The following PRKCB variants were observed in gnomAD, a reference collection of about 807,000 sequenced individuals.
PRKCB encodes the protein protein kinase C beta, also known as protein kinase C beta type.
A neutral mutation model predicts 81.5 loss-of-function variants in PRKCB; 13 were observed. The ratio of observed to expected loss-of-function variants is 0.16; its 90% CI spans 0.10 to 0.25. The LOEUF (loss-of-function observed/expected upper bound fraction) is 0.25, where lower values mean the gene tolerates loss of function less well. Among genes scored for constraint, PRKCB ranks in the 10% least tolerant of loss-of-function variants. The probability of loss-of-function intolerance (pLI) is 1.00; values close to 1 mark genes in which losing one functional copy is unlikely to be tolerated. For missense variants in PRKCB, 509 were observed against 875.7 expected (o/e 0.58, Z 5.29); for synonymous variants, 335 against 321.4 (o/e 1.04, Z -0.45).
chr16:24,070,877 T>G (rs1471080477), intron 5 of PRKCB, among the ~76,000 whole-genome samples: 1 of 152,138 alleles, frequency 6.6e-6, no homozygotes, highest in Non-Finnish European at 1.5e-5. Context: ...AGTACATATC[T>G]CTCTAAAGTA....
chr16:24,203,428 A>C (rs1175456167), intron 16 of PRKCB, among the ~76,000 whole-genome samples: 1 of 152,126 alleles, frequency 6.6e-6, no homozygotes, highest in Non-Finnish European at 1.5e-5. Context: ...CTTACTTTTT[A>C]AATAAATTCA....
In PRKCB at chr16:24,023,514, G is replaced by A. The variant is rs550480049; in HGVS notation, c.289-8622G>A. ...CTCCTGAATAGCTGGGACTACAGGCGCCCGCCACCACGCCCGGCTAATTTT... is the reference window on the plus strand; with the variant it reads ...CTCCTGAATAGCTGGGACTACAGGCACCCGCCACCACGCCCGGCTAATTTT... On this transcript the variant is annotated intron_variant, in intron 3 of 16. Transcript: ENST00000643927. Among the ~76,000 whole-genome samples the A allele has an allele frequency of 3.5e-3, 540 of 152,174 alleles. 8 individuals carry two copies. Among genetic ancestry groups the A allele is most frequent in the Middle Eastern group, 0.031 (9 of 294 alleles).
rs1198019106 is a variant in PRKCB at position 23,902,799 on chromosome 16, T to TCC, written c.205+65393_205+65394insCC. Among the ~76,000 whole-genome samples the TCC allele has an allele frequency of 7.8e-5, 2 of 25,748 alleles. 1 individual carries two copies. Among genetic ancestry groups the TCC allele is most frequent in the African/African-American group, 2.6e-4 (2 of 7,662 alleles). The allele number at this position is 25,748 out of a possible 152,430, so 16.9% of individuals were successfully genotyped here. ...CTTCCTTCCTCCCTCCCTCCCTCCC[T>TCC]TCCTTCCTTCCTTCCTTTTTTTGAG... On this transcript the variant is annotated intron_variant, in intron 2 of 16. Coordinates refer to ENST00000643927, the MANE Select transcript of PRKCB (RefSeq NM_002738.7).
chr16:23,912,440 T>C (rs1473410573), intron 2 of PRKCB, among the ~76,000 whole-genome samples: 1 of 151,894 alleles, frequency 6.6e-6, no homozygotes, highest in African/African-American at 2.4e-5. Context: ...CTTGCCCTGC[T>C]TGCTGTTACT....
intron 13 of PRKCB, among the ~76,000 whole-genome samples, 198 bp from the exon 14 acceptor site, chr16:24,184,913 C>T (rs974324864): frequency 2.6e-5 from 4 of 152,184 alleles, no homozygotes; most frequent in Non-Finnish European, 2.9e-5. Flanking sequence ...CTTAGTGCTT[C>T]GAAAAGGCAA....
At chr16:24,110,109 TGG>T in intron 7 of PRKCB, among the ~76,000 whole-genome samples, 6 of 89,094 alleles carry the variant, frequency 6.7e-5, no homozygotes, top group African/African-American at 3.2e-4. Flanking sequence ...AGGGAGACCG[TGG>T]GGAGAGGGAG....
intron 13 of PRKCB, among the ~76,000 whole-genome samples, chr16:24,183,405 G>T (rs929137746): frequency 5.9e-5 from 9 of 152,052 alleles, no homozygotes; most frequent in African/African-American, 1.9e-4. Flanking sequence ...TATTAACTAT[G>T]GTTACTGTGT....
intron 2 of PRKCB, among the ~76,000 whole-genome samples, chr16:23,847,594 G>A (rs12447916): frequency 0.27 from 31,738 of 116,316 alleles, 3,456 homozygotes; most frequent in South Asian, 0.42. Flanking sequence ...CTATCCAACC[G>A]TTTTTCCATT....
chr16:23,928,604 G>A (rs967599516), intron 2 of PRKCB, among the ~76,000 whole-genome samples: 1 of 152,074 alleles, frequency 6.6e-6, no homozygotes, highest in Non-Finnish European at 1.5e-5. Context: ...CTGGGGTAAG[G>A]TAGAAAGAGG....
At chr16:23,910,964 T>C (rs534435457) in intron 2 of PRKCB, among the ~76,000 whole-genome samples, 8 of 152,162 alleles carry the variant, frequency 5.3e-5, no homozygotes, top group African/African-American at 1.4e-4. Context: ...AATAATGTTT[T>C]CAAGGCTCAT....
chr16:23,941,136 G>A (rs1304731934), intron 2 of PRKCB, among the ~76,000 whole-genome samples: 1 of 152,174 alleles, frequency 6.6e-6, no homozygotes, highest in Non-Finnish European at 1.5e-5. Context: ...GGGCATCTGA[G>A]CAACTACTCA....
At chr16:23,879,133 G>A (rs12926076) in intron 2 of PRKCB, among the ~76,000 whole-genome samples, 1 of 151,776 alleles carries the variant, frequency 6.6e-6, no homozygotes, top group Non-Finnish European at 1.5e-5. Context: ...AGCTGAGAGC[G>A]TGTCACTGCA....
chr16:23,913,223 T>C (rs1567311824), intron 2 of PRKCB, among the ~76,000 whole-genome samples: 1 of 151,806 alleles, frequency 6.6e-6, no homozygotes, highest in Non-Finnish European at 1.5e-5. Context: ...GAACCATGAA[T>C]ATGGACAAGG....
intron 2 of PRKCB, among the ~76,000 whole-genome samples, chr16:23,891,599 G>A (rs533917325): frequency 6.6e-6 from 1 of 152,110 alleles, no homozygotes; most frequent in Non-Finnish European, 1.5e-5. Context: ...AAGCATAAGG[G>A]TTTGTCAGGA....
chr16:24,092,889 C>T lies in PRKCB; in HGVS notation c.628C>T (p.Gln210Ter). The T allele has an allele frequency of 6.2e-7, 1 of 1,614,110 alleles. No homozygotes were observed. Among genetic ancestry groups the T allele is most frequent in the Non-Finnish European group, 8.5e-7 (1 of 1,180,036 alleles). The change falls in exon 6 of 17, where the codon CAG (glutamine) becomes TAG (stop). Residue 210 changes from glutamine (Q) to a stop codon, truncating the protein, a stop_gained. Coordinates refer to ENST00000643927, the MANE Select transcript of PRKCB (RefSeq NM_002738.7). LOFTEE classifies it high-confidence loss of function. Reference protein sequence around the residue: ...LIPDPKSESKQKTKTIKCSLN... With the variant: ...LIPDPKSESK ...TCCCGATCCCAAAAGTGAGAGCAAA[C>T]AGAAGACCAAAACCATCAAATGCTC...
chr16:23,837,244 G>C, intron 1 of PRKCB, 131 bp from the exon 2 acceptor site: 2 of 1,137,910 alleles, frequency 1.8e-6, no homozygotes, highest in Non-Finnish European at 2.7e-6. Context: ...AGACTCTTGG[G>C]CACCCGCCTG....
chr16:24,126,237 A>G (rs892682534), intron 9 of PRKCB, among the ~76,000 whole-genome samples: 6 of 115,974 alleles, frequency 5.2e-5, no homozygotes, highest in Non-Finnish European at 1.1e-4. Context: ...TCTAAGGATG[A>G]AAAAAAAATA....
chr16:24,164,644 G>A (rs1967315214), intron 10 of PRKCB, among the ~76,000 whole-genome samples: 1 of 152,196 alleles, frequency 6.6e-6, no homozygotes, highest in African/African-American at 2.4e-5. Context: ...GCTCAGGAGA[G>A]AGGGAGAGGA....
At chr16:24,155,644 C>G (rs143804110) in intron 10 of PRKCB, among the ~76,000 whole-genome samples, 1 of 152,332 alleles carries the variant, frequency 6.6e-6, no homozygotes, top group African/African-American at 2.4e-5. Flanking sequence ...ATCCAGTTCT[C>G]AACTTACTGA....
Sources: gnomAD v4.1 joint callset for allele counts (sites outside exome capture counted in the v4.1 genomes callset) on GRCh38, gnomAD v4.1.1 for gene constraint, MANE v1.5 for transcripts, NCBI Gene and HGNC (gene_info 2026-07-23, HGNC 2026-07-21) for gene names.